The following RAPGEF1 variants were observed in gnomAD, a reference collection of about 807,000 sequenced individuals.
RAPGEF1 encodes Rap guanine nucleotide exchange factor 1.
A neutral mutation model predicts 143.3 loss-of-function variants in RAPGEF1; 33 were observed. The ratio of observed to expected loss-of-function variants is 0.23; its 90% CI spans 0.17 to 0.31. The LOEUF is 0.31. Among genes scored for constraint, RAPGEF1 ranks in the 10% least tolerant of loss-of-function variants. RAPGEF1 has a pLI of 1.00. For synonymous variants in RAPGEF1, 629 were observed against 676.5 expected, an observed-to-expected ratio of 0.93 and a Z score of 1.09; for missense variants, 1,199 against 1,645.4, an observed-to-expected ratio of 0.73 and a Z score of 4.69.
intron 12 of RAPGEF1, among the ~76,000 whole-genome samples, chr9:131,616,836 ACATGTTGG>A (rs1249520348): frequency 6.6e-6 from 1 of 152,202 alleles, no homozygotes; most frequent in Non-Finnish European, 1.5e-5. Context: ...TATATGAAGG[ACATGTTGG>A]CACCGTACTG....
intron 1 of RAPGEF1, among the ~76,000 whole-genome samples, chr9:131,735,104 T>C (rs1447209988): frequency 5.9e-5 from 9 of 152,062 alleles, no homozygotes; most frequent in Admixed American, 1.3e-4. Flanking sequence ...TTAGAAGGTA[T>C]GGCCCAGGAG....
chr9:131,598,437 T>C (rs1339229749), intron 15 of RAPGEF1, 127 bp from the exon 16 acceptor site: 1 of 750,432 alleles, frequency 1.3e-6, no homozygotes, highest in South Asian at 1.5e-5. Flanking sequence ...CGATGGCAGC[T>C]ACGTCACTAT....
intron 11 of RAPGEF1, among the ~76,000 whole-genome samples, chr9:131,620,005 GC>G (rs1312689837): frequency 6.6e-6 from 1 of 152,142 alleles, no homozygotes; most frequent in Non-Finnish European, 1.5e-5. Flanking sequence ...TAATGGGGAT[GC>G]CAGGAGCTGT....
chr9:131,659,704 A>C (rs886645155), intron 1 of RAPGEF1, among the ~76,000 whole-genome samples: 12 of 152,228 alleles, frequency 7.9e-5, no homozygotes, highest in Non-Finnish European at 1.6e-4. Context: ...GCAAATACTT[A>C]ATACATGGCA....
At chr9:131,636,654 G>A (rs1564590356) in intron 5 of RAPGEF1, among the ~76,000 whole-genome samples, 1 of 152,188 alleles carries the variant, frequency 6.6e-6, no homozygotes, top group East Asian at 1.9e-4. Flanking sequence ...GTTACCTGAA[G>A]AATAACAATT....
intron 1 of RAPGEF1, among the ~76,000 whole-genome samples, chr9:131,689,819 C>G (rs762227982): frequency 6.6e-6 from 1 of 152,086 alleles, no homozygotes; most frequent in African/African-American, 2.4e-5. Flanking sequence ...ATTACAGGCG[C>G]GAGCCACCGC....
chr9:131,682,711 G>C (rs370004094), intron 1 of RAPGEF1, among the ~76,000 whole-genome samples: 2 of 152,198 alleles, frequency 1.3e-5, no homozygotes, highest in East Asian at 3.9e-4. Flanking sequence ...AGGAGGATTT[G>C]GAAGCACAAA....
At chr9:131,594,090 G>A (rs1198049862) in intron 17 of RAPGEF1, among the ~76,000 whole-genome samples, 2 of 152,272 alleles carry the variant, frequency 1.3e-5, no homozygotes, top group Admixed American at 6.5e-5. Flanking sequence ...GCAATGTGGC[G>A]GGGTCGGCGC....
At chr9:131,716,657 C>T (rs769975336) in intron 1 of RAPGEF1, among the ~76,000 whole-genome samples, 11 of 152,290 alleles carry the variant, frequency 7.2e-5, no homozygotes, top group Non-Finnish European at 1.3e-4. Flanking sequence ...TCTGTAGTCA[C>T]AGCTACTCGG....
At position 131,667,101 on chromosome 9, in the gene RAPGEF1, T is replaced by C. The variant is rs1379116830; in HGVS notation, c.62-16152A>G. On this transcript the variant is annotated intron_variant, in intron 1 of 26. Transcript: ENST00000683357. This position sits in a 1 kb window ranked among gnomAD's most constrained non-coding sequence, Gnocchi z 4.6. ...ATCTCACGGGTTCAAGTGATTCTCC[T>C]GCCTTGGCCTCCCTAGTAGCTGGGA... Among the ~76,000 whole-genome samples the C allele has an allele frequency of 6.6e-6, 1 of 152,168 alleles. No individual in the cohort carries two copies.
intron 1 of RAPGEF1, among the ~76,000 whole-genome samples, chr9:131,715,639 G>A (rs949391265): frequency 6.6e-6 from 1 of 152,052 alleles, no homozygotes; most frequent in African/African-American, 2.4e-5. Context: ...GCCAAGGTGG[G>A]CAGATCACAA....
At chr9:131,632,253 C>A (rs972063917) in intron 5 of RAPGEF1, among the ~76,000 whole-genome samples, 2 of 151,620 alleles carry the variant, frequency 1.3e-5, no homozygotes, top group African/African-American at 4.9e-5. Context: ...CTCAGCCTCC[C>A]GAGTAGCTGG....
chr9:131,648,432 A>C (rs1970249338), intron 3 of RAPGEF1, among the ~76,000 whole-genome samples: 1 of 152,016 alleles, frequency 6.6e-6, no homozygotes, highest in African/African-American at 2.4e-5. Context: ...AAACAACAAA[A>C]AGGGGGGAAA....
intron 1 of RAPGEF1, among the ~76,000 whole-genome samples, chr9:131,685,503 A>G (rs1833267609): frequency 6.6e-6 from 1 of 152,184 alleles, no homozygotes; most frequent in Non-Finnish European, 1.5e-5. Context: ...ACAAACAATA[A>G]CATGAGCGAT....
intron 1 of RAPGEF1, among the ~76,000 whole-genome samples, chr9:131,720,597 G>A (rs1020132594): frequency 1.3e-5 from 2 of 152,152 alleles, no homozygotes; most frequent in Non-Finnish European, 1.5e-5. Context: ...TCAGGACAGC[G>A]ACCACCTGGC....
In RAPGEF1 at chr9:131,586,758, C is replaced by T. The variant is rs1329060595; in HGVS notation, c.3233+978G>A. Among the ~76,000 whole-genome samples, 13 of 89,966 alleles carry T rather than the reference C, an allele frequency of 1.4e-4. 1 individual carries two copies. The highest frequency in any genetic ancestry group is 5.1e-4 in the Admixed American group (4 of 7,772). 59.0% of individuals were successfully genotyped at this position (89,966 alleles called of 152,430 possible). ...CACACACACCTGCAGAGCGAGACTC[C>T]GTCTCACACACACACCTGCAGAGCG... On this transcript the variant is annotated intron_variant, in intron 22 of 26. Transcript: ENST00000683357.
At chr9:131,668,553 T>G (rs1313266297) in intron 1 of RAPGEF1, among the ~76,000 whole-genome samples, 1 of 151,988 alleles carries the variant, frequency 6.6e-6, no homozygotes, top group Non-Finnish European at 1.5e-5. Flanking sequence ...GGGTTAAGTT[T>G]AAACCTCCCC....
chr9:131,694,637 T>C (rs374327057), intron 1 of RAPGEF1, among the ~76,000 whole-genome samples: 3 of 151,886 alleles, frequency 2.0e-5, no homozygotes, highest in East Asian at 3.9e-4. Flanking sequence ...TTTATCTGCT[T>C]GGCCAACTGC....
At chr9:131,629,601 G>A (rs1302508609) in intron 6 of RAPGEF1, among the ~76,000 whole-genome samples, 1 of 152,066 alleles carries the variant, frequency 6.6e-6, no homozygotes, top group African/African-American at 2.4e-5. Flanking sequence ...GACCAGCTTG[G>A]CCAAGATGGT....
Sources: gnomAD v4.1 joint callset for allele counts (sites outside exome capture counted in the v4.1 genomes callset) on GRCh38, gnomAD v4.1.1 for gene constraint, Gnocchi (gnomAD v3.1) non-coding constraint, MANE v1.5 for transcripts, NCBI Gene and HGNC (gene_info 2026-07-23, HGNC 2026-07-21) for gene names.